The following TMEM183A variants were observed in gnomAD, a reference collection of about 807,000 sequenced individuals.
The protein encoded by TMEM183A is chromosome 1 open reading frame 37.
TMEM183A carries 21 observed loss-of-function variants against 46.7 expected under a neutral mutation model. The ratio of observed to expected loss-of-function variants is 0.45; its 90% CI spans 0.32 to 0.65. The LOEUF is 0.65. Among genes scored for constraint, TMEM183A ranks in the 30% least tolerant of loss-of-function variants. The probability of loss-of-function intolerance (pLI) is 0.04; values close to 1 mark genes in which losing one functional copy is unlikely to be tolerated. For missense variants in TMEM183A, 331 were observed against 481.9 expected, an observed-to-expected ratio of 0.69 and a Z score of 2.93; for synonymous variants, 165 against 180.2, an observed-to-expected ratio of 0.92 and a Z score of 0.68.
rs1238626627 is a variant in TMEM183A at position 203,024,803 on chromosome 1, A to T, written c.*1763A>T. 1 of 152,208 alleles carries T rather than the reference A, an allele frequency of 6.6e-6. No individual in the cohort carries two copies. The highest frequency in any genetic ancestry group is 2.4e-5 in the African/African-American group (1 of 41,456). 9.4% of individuals were successfully genotyped at this position (152,208 alleles called of 1,614,324 possible). On this transcript the variant is annotated 3_prime_UTR_variant, in exon 8 of 8. Transcript: ENST00000367242. ...CTTGGTGCATTGTTCCCCGCTTAGGAGTACCTTTAAAAAGGGGGTGAAATA... is the reference window on the plus strand; with the variant it reads ...CTTGGTGCATTGTTCCCCGCTTAGGTGTACCTTTAAAAAGGGGGTGAAATA...
intron 3 of TMEM183A, among the ~76,000 whole-genome samples, chr1:203,012,486 C>G (rs1259589965): frequency 6.6e-6 from 1 of 152,156 alleles, no homozygotes; most frequent in Non-Finnish European, 1.5e-5. Flanking sequence ...ACTTGACATG[C>G]TTTTCCTCTT....
chr1:203,010,869 A>G (rs1192182103), intron 3 of TMEM183A, among the ~76,000 whole-genome samples: 3 of 152,322 alleles, frequency 2.0e-5, no homozygotes, highest in East Asian at 3.9e-4. Flanking sequence ...ACCCTCCTCC[A>G]GCCCTTGGAA....
At chr1:203,010,945 A>G (rs1656514911) in intron 3 of TMEM183A, among the ~76,000 whole-genome samples, 2 of 152,342 alleles carry the variant, frequency 1.3e-5, no homozygotes, top group South Asian at 4.1e-4. Flanking sequence ...ATGGAATCAT[A>G]CAATATATAG....
At chr1:203,007,708 A>C in intron 1 of TMEM183A, 66 bp from the exon 2 acceptor site, 5 of 1,598,838 alleles carry the variant, frequency 3.1e-6, no homozygotes, top group Non-Finnish European at 4.3e-6. Flanking sequence ...AGCGAGGAGG[A>C]GGTGTTGGCG....
At chr1:203,016,249 T>C in intron 5 of TMEM183A, 109 bp downstream of exon 5, 1 of 1,490,294 alleles carries the variant, frequency 6.7e-7, no homozygotes, top group African/African-American at 1.4e-5. Context: ...GGTCCCAGGC[T>C]GCTAGGGGAC....
chr1:203,007,922 T>C (rs971011069), intron 2 of TMEM183A, 59 bp downstream of exon 2: 6 of 1,590,598 alleles, frequency 3.8e-6, no homozygotes, highest in African/African-American at 1.3e-5. Flanking sequence ...AGGTATTTTA[T>C]TTCTGTTTTT....
Position 203,018,513 on chromosome 1 carries a change from G to A in TMEM183A, c.741G>A (p.Gly247=), listed in dbSNP as rs137955885. Residue 247 remains glycine, a synonymous_variant, in exon 6 of 8, where the codon GGG becomes GGA. Coordinates refer to ENST00000367242, the MANE Select transcript of TMEM183A (RefSeq NM_138391.6). ...TTTTCTGGTGCAGAAAGATTGTTGG[G>A]AACAGACAGGAACCAATGTGGGAAT... is the stretch of plus-strand genomic sequence containing the variant. ...CLLFWCRKIV[G]NRQEPMWEFN... The A allele has an allele frequency of 1.9e-6, 3 of 1,612,912 alleles. No homozygotes were observed. In the African/African-American group the frequency reaches 4.0e-5, roughly 22 times the overall value.
chr1:203,010,593 C>T (rs569432526), intron 3 of TMEM183A, among the ~76,000 whole-genome samples: 1 of 152,288 alleles, frequency 6.6e-6, no homozygotes, highest in Admixed American at 6.5e-5. Context: ...ATTCTTCATA[C>T]TTCTTTGTCC....
At chr1:203,018,381 T>C in intron 5 of TMEM183A, 100 bp from the exon 6 acceptor site, 1 of 1,372,666 alleles carries the variant, frequency 7.3e-7, no homozygotes, top group Non-Finnish European at 9.9e-7. Flanking sequence ...GCTTTAGAGC[T>C]GTCAAACAGA....
chr1:203,020,736 C>T, intron 6 of TMEM183A, 57 bp from the exon 7 acceptor site: 1 of 1,609,730 alleles, frequency 6.2e-7, no homozygotes, highest in Non-Finnish European at 8.5e-7. Flanking sequence ...TTGGTGGACT[C>T]TTAGAGCCAT....
intron 6 of TMEM183A, 130 bp from the exon 7 acceptor site, chr1:203,020,663 C>G: frequency 8.7e-7 from 1 of 1,147,386 alleles, no homozygotes; most frequent in Non-Finnish European, 1.2e-6. Flanking sequence ...TGTATAGAAA[C>G]ATGTATAAAG....
At chr1:203,012,880 C>G (rs149612965) in intron 3 of TMEM183A, among the ~76,000 whole-genome samples, 1 of 152,148 alleles carries the variant, frequency 6.6e-6, no homozygotes, top group Non-Finnish European at 1.5e-5. Flanking sequence ...CAGGCATGCA[C>G]CACCATGGCT....
At chr1:203,015,186 T>C in intron 4 of TMEM183A, 138 bp downstream of exon 4, 1 of 1,189,718 alleles carries the variant, frequency 8.4e-7, no homozygotes, top group Admixed American at 2.8e-5. Context: ...TTTGGACTCC[T>C]TGAGCCCCTC....
chr1:203,015,163 G>C, intron 4 of TMEM183A, 115 bp downstream of exon 4: 6 of 1,454,018 alleles, frequency 4.1e-6, no homozygotes, highest in Non-Finnish European at 5.5e-6. Context: ...TCCATGTCTG[G>C]GCATGACCCA....
chr1:203,007,692 G>C (rs1656091481), intron 1 of TMEM183A, 82 bp from the exon 2 acceptor site: 3 of 1,585,156 alleles, frequency 1.9e-6, no homozygotes, highest in Non-Finnish European at 2.6e-6. Context: ...CGGTCCGGGG[G>C]CCTGCAGCGA....
Position 203,014,917 on chromosome 1 carries a change from G to A in TMEM183A, c.396G>A (p.Glu132=). The A allele has an allele frequency of 6.2e-7, 1 of 1,613,756 alleles. No homozygotes were observed. The highest frequency in any genetic ancestry group is 8.5e-7 in the Non-Finnish European group (1 of 1,179,806). Residue 132 remains glutamate, a synonymous_variant, in exon 4 of 8, where the codon GAG becomes GAA. Coordinates refer to ENST00000367242, the MANE Select transcript of TMEM183A (RefSeq NM_138391.6). ...KEELDGAGGE[E]YPMDIWLLLA... ...AACTGGACGGGGCTGGAGGAGAAGA[G>A]TATCCCATGGATATTTGGCTATTGC...
intron 1 of TMEM183A, 26 bp from the exon 2 acceptor site, chr1:203,007,747 TC>T: frequency 6.2e-7 from 1 of 1,612,684 alleles, no homozygotes; most frequent in South Asian, 1.1e-5. Context: ...GAAGGCCTCT[TC>T]CTTGAGGGTT....
rs761111617 is a variant in TMEM183A at position 203,008,632 on chromosome 1, T to A, written c.200-11T>A. 1.3e-6 allele frequency: 2 copies of A among 1,521,834 alleles called. No homozygotes were observed. Among genetic ancestry groups the A allele is most frequent in the South Asian group, 2.5e-5 (2 of 78,836 alleles). The allele number at this position is 1,521,834 out of a possible 1,614,324, so 94.3% of individuals were successfully genotyped here. On this transcript the variant is annotated splice_polypyrimidine_tract_variant and intron_variant, in intron 2 of 7. Coordinates refer to ENST00000367242, the MANE Select transcript of TMEM183A (RefSeq NM_138391.6). ...TGTGTGCCATCTCATTCTCCTTTTA[T>A]TTTCTTCTAGTAAAATCTCTTTGTG...
At chr1:203,019,665 A>C (rs1657481985) in intron 6 of TMEM183A, among the ~76,000 whole-genome samples, 1 of 152,182 alleles carries the variant, frequency 6.6e-6, no homozygotes, top group Non-Finnish European at 1.5e-5. Flanking sequence ...TCATTGTGGA[A>C]GGAGGAGCCT....
Sources: gnomAD v4.1 joint callset for allele counts (sites outside exome capture counted in the v4.1 genomes callset) on GRCh38, gnomAD v4.1.1 for gene constraint, MANE v1.5 for transcripts, NCBI Gene and HGNC (gene_info 2026-07-23, HGNC 2026-07-21) for gene names.